DCAKD: variants seen among roughly 807,000 people sequenced by gnomAD.
DCAKD encodes the protein dephospho-CoA kinase domain containing.
In DCAKD, 15 loss-of-function variants were observed where a neutral mutation model predicts 18.7. That is an observed-to-expected ratio of 0.80 (90% CI 0.54 to 1.24). DCAKD has a LOEUF of 1.24. Among genes scored for constraint, DCAKD ranks in the 50% most tolerant of loss-of-function variants. The probability of loss-of-function intolerance (pLI) is 0.00; values close to 1 mark genes in which losing one functional copy is unlikely to be tolerated. For missense variants in DCAKD, 301 were observed against 322.0 expected, an observed-to-expected ratio of 0.93 and a Z score of 0.50; for synonymous variants, 130 against 133.0, an observed-to-expected ratio of 0.98 and a Z score of 0.16.
At chr17:45,031,208 C>T (rs780997563) in intron 3 of DCAKD, 70 of 985,224 alleles carry the variant, frequency 7.1e-5, no homozygotes, top group Non-Finnish European at 8.0e-5. Flanking sequence ...GAAACTTGCA[C>T]TCAAAGTGAT....
chr17:45,048,427 C>T (rs1462775306), intron 1 of DCAKD, among the ~76,000 whole-genome samples: 2 of 152,032 alleles, frequency 1.3e-5, no homozygotes, highest in Admixed American at 6.6e-5. Flanking sequence ...ATCACGAGGT[C>T]AGGAGTTTGA....
At chr17:45,031,356 T>C in intron 3 of DCAKD, 1 of 985,190 alleles carries the variant, frequency 1.0e-6, no homozygotes, top group Non-Finnish European at 1.2e-6. Flanking sequence ...TGACACACCT[T>C]GGTTGGTAGC....
At chr17:45,057,557 G>T (rs1249397198) in intron 1 of DCAKD, among the ~76,000 whole-genome samples, 1 of 151,580 alleles carries the variant, frequency 6.6e-6, no homozygotes, top group Non-Finnish European at 1.5e-5. Context: ...CAAAAAATTA[G>T]CTGGGCATGG....
chr17:45,026,757 C>A (rs1238786604), intron 4 of DCAKD: 15 of 985,344 alleles, frequency 1.5e-5, no homozygotes, highest in Non-Finnish European at 1.7e-5. Context: ...CATTGTGGGG[C>A]CAATACCCAC....
chr17:45,050,700 G>A (rs1338347674), intron 1 of DCAKD, among the ~76,000 whole-genome samples: 1 of 152,090 alleles, frequency 6.6e-6, no homozygotes, highest in Non-Finnish European at 1.5e-5. Flanking sequence ...AAACAAACAC[G>A]TTTAAGACAT....
At chr17:45,029,324 G>A (rs1250650807) in intron 4 of DCAKD, among the ~76,000 whole-genome samples, 4 of 152,258 alleles carry the variant, frequency 2.6e-5, no homozygotes, top group South Asian at 2.1e-4. Flanking sequence ...CGCCTCCAGC[G>A]TGCTGGGAGC....
chr17:45,036,643 C>A (rs2053306210), intron 1 of DCAKD, among the ~76,000 whole-genome samples: 1 of 152,038 alleles, frequency 6.6e-6, no homozygotes, highest in South Asian at 2.1e-4. Context: ...TACAGTTCCA[C>A]TGCAAGGCAT....
intron 1 of DCAKD, among the ~76,000 whole-genome samples, chr17:45,048,347 T>G (rs1026020768): frequency 6.6e-6 from 1 of 151,406 alleles, no homozygotes; most frequent in Non-Finnish European, 1.5e-5. Flanking sequence ...TCTCTACTAA[T>G]AATACAAAAA....
chr17:45,028,558 C>T (rs1253794629), intron 4 of DCAKD, among the ~76,000 whole-genome samples: 1 of 151,626 alleles, frequency 6.6e-6, no homozygotes, highest in Non-Finnish European at 1.5e-5. Flanking sequence ...TACAGGCATG[C>T]ACCACCATGC....
chr17:45,060,187 T>C (rs2053833790), intron 1 of DCAKD, among the ~76,000 whole-genome samples: 1 of 152,118 alleles, frequency 6.6e-6, no homozygotes, highest in South Asian at 2.1e-4. Flanking sequence ...AATGAGATAA[T>C]GTACGAAATG....
At chr17:45,044,220 CT>C (rs1372818844) in intron 1 of DCAKD, among the ~76,000 whole-genome samples, 2 of 152,128 alleles carry the variant, frequency 1.3e-5, no homozygotes, top group Non-Finnish European at 2.9e-5. Flanking sequence ...CCACTCCCCC[CT>C]ACATCACTGC....
intron 1 of DCAKD, among the ~76,000 whole-genome samples, chr17:45,043,303 G>A (rs1044596020): frequency 1.3e-5 from 2 of 151,992 alleles, no homozygotes. Flanking sequence ...GGTCGTGTCA[G>A]GATTAAATGA....
chr17:45,056,977 C>G (rs1279836203), intron 1 of DCAKD, among the ~76,000 whole-genome samples: 1 of 151,580 alleles, frequency 6.6e-6, no homozygotes, highest in Non-Finnish European at 1.5e-5. Flanking sequence ...CCATGTTAGC[C>G]AGGATGGTCT....
chr17:45,052,144 G>C (rs2053721251), upstream of DCAKD, among the ~76,000 whole-genome samples: 1 of 151,838 alleles, frequency 6.6e-6, no homozygotes, highest in African/African-American at 2.4e-5. Context: ...CTCGGCCCCG[G>C]AGCACGGCAC....
At position 45,043,952 on chromosome 17, in the gene DCAKD, G is replaced by A. The variant is rs115315138; in HGVS notation, c.-115+7409C>T. Among the ~76,000 whole-genome samples the A allele has an allele frequency of 7.3e-4, 111 of 152,162 alleles. 3 individuals are homozygous for A. Among genetic ancestry groups the A allele is most frequent in the African/African-American group, 2.3e-3 (94 of 41,508 alleles). On this transcript the variant is annotated intron_variant, in intron 1 of 4. Coordinates refer to ENST00000651974, the MANE Select transcript of DCAKD (RefSeq NM_001288655.2). ...CACAAGGAGCCCCCGGTGCATGAGC[G>A]CCACCATGTCGCTGCGGAAGCCCTG...
chr17:45,047,693 C>CG (rs1398499074), intron 1 of DCAKD, among the ~76,000 whole-genome samples: 1 of 151,958 alleles, frequency 6.6e-6, no homozygotes, highest in African/African-American at 2.4e-5. Context: ...TTAGTACAGA[C>CG]GGGGTTTCGG....
chr17:45,054,042 C>T, upstream of DCAKD: 1 of 515,214 alleles, frequency 1.9e-6, no homozygotes, highest in Non-Finnish European at 3.9e-6. Flanking sequence ...TTTCTCAGAT[C>T]ACCTGAGTCC....
chr17:45,037,496 G>A (rs558484535), intron 1 of DCAKD, among the ~76,000 whole-genome samples: 3 of 151,696 alleles, frequency 2.0e-5, no homozygotes, highest in South Asian at 2.1e-4. Context: ...CACTCTTGTC[G>A]TTGCCCAGGC....
intron 4 of DCAKD, among the ~76,000 whole-genome samples, chr17:45,027,583 G>A (rs1045058515): frequency 1.3e-4 from 20 of 152,214 alleles, no homozygotes; most frequent in Non-Finnish European, 2.8e-4. Context: ...CCTCTGGCCG[G>A]TGAGTGGGGC....
Sources: allele counts gnomAD v4.1 joint callset (sites outside exome capture counted in the v4.1 genomes callset), GRCh38; gene constraint gnomAD v4.1.1; transcripts MANE v1.5; gene names NCBI Gene and HGNC (gene_info 2026-07-23, HGNC 2026-07-21).